SEC23IP: variants seen among roughly 807,000 people sequenced by gnomAD.
SEC23IP encodes the protein SEC23 interacting protein, also known as SEC23-interacting protein.
Under a neutral mutation model 113.4 loss-of-function variants are expected in SEC23IP, and 70 were observed. The observed-to-expected ratio is 0.62, with a 90% CI of 0.51 to 0.75. The LOEUF (loss-of-function observed/expected upper bound fraction) is 0.75, where lower values mean the gene tolerates loss of function less well. SEC23IP is among the 30% of genes least tolerant of loss of function. The pLI is 0.00. For synonymous variants in SEC23IP, 398 were observed against 421.0 expected (o/e 0.95, Z 0.67); for missense variants, 1,160 against 1,204.9 (o/e 0.96, Z 0.55).
chr10:119,927,193 G>A (rs1440540305), intron 13 of SEC23IP, among the ~76,000 whole-genome samples: 1 of 152,168 alleles, frequency 6.6e-6, no homozygotes, highest in African/African-American at 2.4e-5. Flanking sequence ...CTACTGCATC[G>A]GGCCTCCAGC....
chr10:119,923,094 A>T (rs1010297032), intron 12 of SEC23IP, among the ~76,000 whole-genome samples: 1 of 152,182 alleles, frequency 6.6e-6, no homozygotes, highest in Non-Finnish European at 1.5e-5. Context: ...AAGGGAAAAA[A>T]GTAGAAAAGG....
At position 119,929,662 on chromosome 10, in the gene SEC23IP, G is replaced by T. The variant is rs767430384; in HGVS notation, c.2369G>T (p.Gly790Val). 1 of 1,608,160 alleles carries T rather than the reference G, an allele frequency of 6.2e-7. No homozygotes were observed. The highest frequency in any genetic ancestry group is 1.7e-5 in the Admixed American group (1 of 59,970). The change falls in exon 14 of 19, where the codon GGG becomes GTG. Residue 790 changes from glycine (G) to valine (V), a missense_variant. By Grantham distance (109) the Gly-to-Val change is moderately radical. Transcript: ENST00000369075. Reference sequence around the variant, plus strand: ...GAACCAGAGATATTCTTTGCCTTGGGGTCTCCAATTGCTATGTTTCTCACT... The same window carrying T: ...GAACCAGAGATATTCTTTGCCTTGGTGTCTCCAATTGCTATGTTTCTCACT... ...DFEPEIFFALGSPIAMFLTIR... is the reference protein window; with the variant it reads ...DFEPEIFFALVSPIAMFLTIR...
intron 1 of SEC23IP, among the ~76,000 whole-genome samples, chr10:119,896,932 G>C (rs565945397): frequency 6.6e-6 from 1 of 152,254 alleles, no homozygotes; most frequent in South Asian, 2.1e-4. Flanking sequence ...TGCAGCAAGG[G>C]ATATTTTATT....
chr10:119,930,816 C>T (rs1855571924), intron 15 of SEC23IP, among the ~76,000 whole-genome samples: 1 of 152,176 alleles, frequency 6.6e-6, no homozygotes, highest in Non-Finnish European at 1.5e-5. Context: ...GCTAACTAGA[C>T]ACACCTTCCT....
chr10:119,921,031 C>A lies in SEC23IP; in HGVS notation c.2121+47C>A, dbSNP rs1855236088. 4 of 1,348,856 alleles carry A rather than the reference C, an allele frequency of 3.0e-6. No individual in the cohort carries two copies. In the East Asian group the frequency reaches 6.9e-5, roughly 23 times the overall value. 83.6% of individuals were successfully genotyped at this position (1,348,856 alleles called of 1,614,324 possible). On this transcript the variant is annotated intron_variant, in intron 12 of 18. Coordinates refer to ENST00000369075, the MANE Select transcript of SEC23IP (RefSeq NM_007190.4). ...AGAAAAACTAAAACTCATGGTGTGACCAGCTCGTTTATATTATAGAAAATT... is the reference window on the plus strand; with the variant it reads ...AGAAAAACTAAAACTCATGGTGTGAACAGCTCGTTTATATTATAGAAAATT...
Position 119,898,972 on chromosome 10 carries a change from G to T in SEC23IP, c.696+13G>T. On this transcript the variant is annotated intron_variant, in intron 2 of 18. Transcript: ENST00000369075. Reference sequence around the variant, plus strand: ...ATCTTTGCCACCGGTATGGAGACATGATTTTGTGTCCTACTTATTCACTCT... The same window carrying T: ...ATCTTTGCCACCGGTATGGAGACATTATTTTGTGTCCTACTTATTCACTCT... 6.5e-7 allele frequency: 1 copy of T among 1,531,702 alleles called. No homozygotes were observed. Among genetic ancestry groups the T allele is most frequent in the South Asian group, 1.2e-5 (1 of 81,684 alleles). 94.9% of individuals were successfully genotyped at this position (1,531,702 alleles called of 1,614,324 possible).
Position 119,892,893 on chromosome 10 carries a change from C to T in SEC23IP, c.111C>T (p.Phe37=), listed in dbSNP as rs1382193990. Residue 37 remains phenylalanine (F), a synonymous_variant, in exon 1 of 19, where the codon TTC becomes TTT. Transcript: ENST00000369075. ...SATEFSFNVP[F]IPVTQASASP... Reference sequence around the variant, plus strand: ...CGGAGTTCAGCTTCAATGTGCCCTTCATCCCAGTCACCCAGGCCTCCGCTT... The same window carrying T: ...CGGAGTTCAGCTTCAATGTGCCCTTTATCCCAGTCACCCAGGCCTCCGCTT... The T allele has an allele frequency of 2.5e-6, 4 of 1,613,658 alleles. No homozygotes were observed. Among genetic ancestry groups the T allele is most frequent in the African/African-American group, 1.3e-5 (1 of 74,924 alleles).
rs778456875 is a variant in SEC23IP, at chr10:119,898,781, A to G, written c.518A>G (p.Gln173Arg). 1.9e-6 allele frequency: 3 copies of G among 1,614,132 alleles called. No individual in the cohort carries two copies. The highest frequency in any genetic ancestry group is 1.7e-5 in the Admixed American group (1 of 60,016). ...LPPSYFGNQP[Q>R]GIPQPGYNPY... Reference sequence around the variant, plus strand: ...CCTTCATATTTTGGGAACCAACCCCAAGGAATTCCCCAACCAGGATACAAT... The same window carrying G: ...CCTTCATATTTTGGGAACCAACCCCGAGGAATTCCCCAACCAGGATACAAT... Residue 173 changes from glutamine to arginine, a missense_variant, in exon 2 of 19, where the codon CAA becomes CGA. Coordinates refer to ENST00000369075, the MANE Select transcript of SEC23IP (RefSeq NM_007190.4).
chr10:119,918,584 C>G (rs1855131507), intron 10 of SEC23IP, 73 bp downstream of exon 10: 3 of 892,180 alleles, frequency 3.4e-6, no homozygotes, highest in Non-Finnish European at 3.7e-6. Flanking sequence ...AAAGTCTGAA[C>G]TGTTTCTTGA....
rs144326054 is a variant in SEC23IP at position 119,928,248 on chromosome 10, A to G, written c.2314-1359A>G. On this transcript the variant is annotated intron_variant, in intron 13 of 18. Transcript: ENST00000369075. ...AAGTGTTGAATTTACCTGTTTTTCT[A>G]TTTGGTTTCTTTTTTCCTTTACTGA... is the stretch of plus-strand genomic sequence containing the variant. Among the ~76,000 whole-genome samples the G allele has an allele frequency of 2.6e-3, 388 of 152,072 alleles. 4 individuals are homozygous for G. The highest frequency in any genetic ancestry group is 0.024 in the East Asian group (124 of 5,188).
rs761906149 is a variant in SEC23IP, at chr10:119,918,524, G to A, written c.1872+13G>A. 7.5e-6 allele frequency: 11 copies of A among 1,457,796 alleles called. No individual in the cohort carries two copies. Among genetic ancestry groups the A allele is most frequent in the Admixed American group, 3.4e-5 (2 of 58,790 alleles). 90.3% of individuals were successfully genotyped at this position (1,457,796 alleles called of 1,614,324 possible). A position where few individuals can be genotyped will look rare whatever the true frequency, so the allele number is the denominator to read the frequency against. The stretch of plus-strand genomic sequence containing the variant: ...TCAGGAAAAGCAGGTACGTCTGTAC[G>A]TGGCCAATTAACATTTCGATTTAGA... On this transcript the variant is annotated intron_variant, in intron 10 of 18. Transcript: ENST00000369075.
chr10:119,898,093 AAAAT>A (rs1264737985), intron 1 of SEC23IP, among the ~76,000 whole-genome samples: 1 of 152,024 alleles, frequency 6.6e-6, no homozygotes, highest in Non-Finnish European at 1.5e-5. Context: ...ATATATTTAC[AAAAT>A]AAATAACTAT....
rs112744838 is a variant in SEC23IP, at chr10:119,896,776, G to GT, written c.164-1638dup. Among the ~76,000 whole-genome samples the GT allele has an allele frequency of 8.4e-3, 1,221 of 145,076 alleles. 6 individuals carry two copies. The highest frequency in any genetic ancestry group is 0.014 in the Admixed American group (196 of 14,414). ...TCTAAAGGATGAAAGATACCACTGA[G>GT]TTTTTTTTTTTTTCATTCTTTTAAT... On this transcript the variant is annotated intron_variant, in intron 1 of 18. Transcript: ENST00000369075.
intron 2 of SEC23IP, among the ~76,000 whole-genome samples, chr10:119,901,137 A>G (rs1247078268): frequency 6.6e-6 from 1 of 150,616 alleles, no homozygotes; most frequent in Non-Finnish European, 1.5e-5. Flanking sequence ...CCTCAGGAGT[A>G]GCTGGGACTA....
intron 8 of SEC23IP, 23 bp downstream of exon 8, chr10:119,915,912 T>G (rs1236658362): frequency 6.9e-7 from 1 of 1,448,770 alleles, no homozygotes; most frequent in East Asian, 2.5e-5. Context: ...TGATAACTTG[T>G]TTTTCAGATT....
At chr10:119,932,499 CT>C (rs1490327570) in intron 16 of SEC23IP, among the ~76,000 whole-genome samples, 181 bp downstream of exon 16, 2 of 152,080 alleles carry the variant, frequency 1.3e-5, no homozygotes, top group African/African-American at 4.8e-5. Context: ...TCCATGCCAT[CT>C]TTTTTTAGTG....
At chr10:119,928,010 T>C (rs1274470156) in intron 13 of SEC23IP, among the ~76,000 whole-genome samples, 1 of 152,246 alleles carries the variant, frequency 6.6e-6, no homozygotes, top group Non-Finnish European at 1.5e-5. Context: ...TTTAAAAATA[T>C]GTAGTAGTTT....
chr10:119,918,065 C>T (rs1251665801), intron 9 of SEC23IP, 21 bp downstream of exon 9: 3 of 1,586,010 alleles, frequency 1.9e-6, no homozygotes, highest in Non-Finnish European at 1.7e-6. Flanking sequence ...CAAATATTCA[C>T]ATTTTAAATA....
At chr10:119,895,746 C>T (rs1329028204) in intron 1 of SEC23IP, among the ~76,000 whole-genome samples, 2 of 152,108 alleles carry the variant, frequency 1.3e-5, no homozygotes, top group African/African-American at 4.8e-5. Flanking sequence ...TCAGATTTGG[C>T]AGGAGTTAGT....
Sources: gnomAD v4.1 joint callset for allele counts (sites outside exome capture counted in the v4.1 genomes callset) on GRCh38, gnomAD v4.1.1 for gene constraint, MANE v1.5 for transcripts, NCBI Gene and HGNC (gene_info 2026-07-23, HGNC 2026-07-21) for gene names.